The following DIP2C variants were observed in gnomAD, a reference collection of about 807,000 sequenced individuals.
DIP2C encodes the protein disco-interacting protein 2 homolog C.
DIP2C carries 33 observed loss-of-function variants against 192.4 expected under a neutral mutation model. The observed-to-expected ratio is 0.17, with a 90% CI of 0.13 to 0.23. DIP2C has a LOEUF of 0.23. Among genes scored for constraint, DIP2C ranks in the 10% least tolerant of loss-of-function variants. DIP2C has a pLI of 1.00. For missense variants in DIP2C, 1,537 were observed against 2,110.1 expected (o/e 0.73, Z 5.32); for synonymous variants, 979 against 864.1 (o/e 1.13, Z -2.33).
At chr10:406,425 C>G (rs1964811623) in intron 9 of DIP2C, among the ~76,000 whole-genome samples, 1 of 152,208 alleles carries the variant, frequency 6.6e-6, no homozygotes, top group Non-Finnish European at 1.5e-5. Context: ...CCTAACCTTT[C>G]TGCTTTTGTT....
rs757394661 is a variant in DIP2C at position 276,554 on chromosome 10, TTC to T, written c.*769_*770del. ...AAGACTTTAATATTCTTGAATGTTT[TTC>T]TCTTTTATAGTTCTAAAGAGATCAA... On this transcript the variant is annotated 3_prime_UTR_variant, in exon 37 of 37. Coordinates refer to ENST00000280886, the MANE Select transcript of DIP2C (RefSeq NM_014974.3). 5.9e-5 allele frequency: 9 copies of T among 152,694 alleles called. No individual in the cohort carries two copies. Among genetic ancestry groups the T allele is most frequent in the South Asian group, 2.1e-4 (1 of 4,838 alleles). The allele number at this position is 152,694 out of a possible 1,614,324, so 9.5% of individuals were successfully genotyped here.
At chr10:378,635 A>G (rs1332487545) in intron 17 of DIP2C, among the ~76,000 whole-genome samples, 1 of 134,638 alleles carries the variant, frequency 7.4e-6, no homozygotes, top group African/African-American at 2.6e-5. Flanking sequence ...ACGAACACAG[A>G]CATGCATAAA....
chr10:463,803 C>A lies in DIP2C; in HGVS notation c.268+8636G>T, dbSNP rs575843307. ...CTGGTACCAAAATAGAGATATAGAC[C>A]AAGGGAACAGAACAGAGGCCTCAGA... On this transcript the variant is annotated intron_variant, in intron 3 of 36. Coordinates refer to ENST00000280886, the MANE Select transcript of DIP2C (RefSeq NM_014974.3). Among the ~76,000 whole-genome samples, 6 of 152,148 alleles carry A rather than the reference C, an allele frequency of 3.9e-5. No homozygotes were observed. In the East Asian group the frequency reaches 5.8e-4, roughly 15 times the overall value.
intron 1 of DIP2C, among the ~76,000 whole-genome samples, chr10:574,158 G>A (rs185797805): frequency 2.4e-4 from 37 of 152,266 alleles, no homozygotes; most frequent in African/African-American, 8.2e-4. Flanking sequence ...AAAGCTTTTT[G>A]CATCGATAAA....
intron 1 of DIP2C, among the ~76,000 whole-genome samples, chr10:539,127 A>G (rs938185167): frequency 2.0e-5 from 3 of 152,220 alleles, no homozygotes; most frequent in Non-Finnish European, 2.9e-5. Context: ...TGTTCACATC[A>G]TTCTGTGGGT....
At chr10:475,818 C>T (rs915245442) in intron 2 of DIP2C, among the ~76,000 whole-genome samples, 5 of 152,162 alleles carry the variant, frequency 3.3e-5, no homozygotes, top group South Asian at 2.1e-4. Flanking sequence ...CACAAATAGG[C>T]GTCGCTCAAC....
At chr10:327,303 C>T (rs886132025) in intron 30 of DIP2C, 127 bp from the exon 31 acceptor site, 53 of 993,790 alleles carry the variant, frequency 5.3e-5, no homozygotes, top group Non-Finnish European at 6.4e-5. Flanking sequence ...TTTCCAGGGC[C>T]ACCTGTGTCC....
Position 415,850 on chromosome 10 carries a change from G to T in DIP2C, c.778C>A (p.Gln260Lys). ...VSSRVSAKIQQLVNTLKRPKR... is the reference protein window; with the variant it reads ...VSSRVSAKIQKLVNTLKRPKR... ...GGTCGTTTGAGGGTATTGACAAGCTGCTGGATTTTTGCTGACACCCGGCTA... is the reference window on the plus strand; with the variant it reads ...GGTCGTTTGAGGGTATTGACAAGCTTCTGGATTTTTGCTGACACCCGGCTA... Residue 260 changes from glutamine (Q) to lysine (K), a missense_variant, in exon 7 of 37, where the codon CAG (glutamine) becomes AAG (lysine). Around this residue, in one of 4 missense-constraint regions of DIP2C, gnomAD observed 473 missense variants for 539.6 expected, o/e 0.88. Transcript: ENST00000280886. 1 of 1,613,900 alleles carries T rather than the reference G, an allele frequency of 6.2e-7. No homozygotes were observed. Among genetic ancestry groups the T allele is most frequent in the Non-Finnish European group, 8.5e-7 (1 of 1,179,992 alleles).
intron 1 of DIP2C, among the ~76,000 whole-genome samples, chr10:509,966 A>G (rs1339246924): frequency 6.6e-6 from 1 of 152,220 alleles, no homozygotes; most frequent in Non-Finnish European, 1.5e-5. Flanking sequence ...TGGCACAGGC[A>G]ATGCAGCAGG....
chr10:669,769 A>C (rs1857328654), intron 1 of DIP2C, among the ~76,000 whole-genome samples: 1 of 152,238 alleles, frequency 6.6e-6, no homozygotes, highest in Non-Finnish European at 1.5e-5. Context: ...AATATGCAAA[A>C]GTGATCTGAA....
chr10:585,155 AAAC>A (rs1850939888), intron 1 of DIP2C, among the ~76,000 whole-genome samples: 1 of 152,154 alleles, frequency 6.6e-6, no homozygotes, highest in African/African-American at 2.4e-5. Flanking sequence ...CCTCAACACA[AAAC>A]AAGCTTGACC....
At position 407,554 on chromosome 10, in the gene DIP2C, G is replaced by A. The variant is rs112790542; in HGVS notation, c.1149+1372C>T. On this transcript the variant is annotated intron_variant, in intron 9 of 36. Coordinates refer to ENST00000280886, the MANE Select transcript of DIP2C (RefSeq NM_014974.3). The stretch of plus-strand genomic sequence containing the variant: ...CATTTTACACTGTCACCAGCAATGC[G>A]CAAGGGTTCCGACTTCCCCACATCC... Among the ~76,000 whole-genome samples the A allele has an allele frequency of 8.8e-3, 1,340 of 152,186 alleles. 21 individuals are homozygous for A. The highest frequency in any genetic ancestry group is 0.034 in the Admixed American group (524 of 15,280).
chr10:327,262 T>A, intron 30 of DIP2C, 86 bp from the exon 31 acceptor site: 1 of 1,466,156 alleles, frequency 6.8e-7, no homozygotes, highest in African/African-American at 1.4e-5. Context: ...GATCCCCACG[T>A]AAACATTGGA....
intron 24 of DIP2C, among the ~76,000 whole-genome samples, chr10:352,692 C>T (rs143723762): frequency 2.0e-5 from 3 of 152,318 alleles, no homozygotes; most frequent in African/African-American, 7.2e-5. Context: ...CCACCGTTGG[C>T]TGGGAGGGAC....
intron 32 of DIP2C, 143 bp from the exon 33 acceptor site, chr10:288,564 A>G (rs11251500): frequency 0.039 from 32,412 of 831,736 alleles, 772 homozygotes; most frequent in South Asian, 0.047. Flanking sequence ...GAAGCTGCAG[A>G]AAGAGCAGCC....
chr10:487,262 G>C lies in DIP2C; in HGVS notation c.86-732C>G, dbSNP rs542316957. On this transcript the variant is annotated intron_variant, in intron 1 of 36. Coordinates refer to ENST00000280886, the MANE Select transcript of DIP2C (RefSeq NM_014974.3). ...ATACTCATTCGCTGTTCATTTTTTT[G>C]GATCTGTTGTATTGTTTTCTAAGAC... 8.5e-5 allele frequency among the ~76,000 whole-genome samples: 13 copies of C among 152,248 alleles called. No homozygotes were observed. The South Asian group carries it at 2.7e-3, about 32-fold the overall frequency.
chr10:326,935 A>G (rs1455673354), intron 31 of DIP2C, 71 bp downstream of exon 31: 1 of 1,518,158 alleles, frequency 6.6e-7, no homozygotes, highest in East Asian at 2.3e-5. Flanking sequence ...AGACGAGTGG[A>G]GCCAGTCTGT....
intron 1 of DIP2C, among the ~76,000 whole-genome samples, chr10:611,451 G>A (rs758810640): frequency 2.4e-4 from 37 of 152,142 alleles, no homozygotes; most frequent in Non-Finnish European, 4.4e-4. Context: ...CTGGTTTTCC[G>A]AAGCCTTTGC....
intron 4 of DIP2C, among the ~76,000 whole-genome samples, chr10:434,205 C>T (rs963785792): frequency 6.6e-6 from 1 of 152,156 alleles, no homozygotes; most frequent in African/African-American, 2.4e-5. Flanking sequence ...TACACTGTCG[C>T]TATTATGAAT....
Sources: gnomAD v4.1 joint callset for allele counts (sites outside exome capture counted in the v4.1 genomes callset) on GRCh38, gnomAD v4.1.1 for gene constraint, gnomAD v4.1.1 regional missense constraint, MANE v1.5 for transcripts, NCBI Gene and HGNC (gene_info 2026-07-23, HGNC 2026-07-21) for gene names.